ATAD2: variants seen among roughly 807,000 people sequenced by gnomAD.
ATAD2 encodes ATPase family AAA domain containing 2.
Under a neutral mutation model 168.9 loss-of-function variants are expected in ATAD2, and 62 were observed. That is an observed-to-expected ratio of 0.37 (90% CI 0.30 to 0.45). The LOEUF is 0.45. Ranked by LOEUF, ATAD2 falls within the 20% of genes least tolerant of loss-of-function variation. The pLI, the probability that ATAD2 is intolerant of heterozygous loss-of-function variation, is 1.00. For missense variants in ATAD2, 1,419 were observed against 1,667.8 expected (o/e 0.85, Z 2.60); for synonymous variants, 613 against 571.6 (o/e 1.07, Z -1.03).
chr8:123,377,090 T>TTAAAAAAAA (rs1297063054), intron 2 of ATAD2, among the ~76,000 whole-genome samples: 1 of 622 alleles, frequency 1.6e-3, no homozygotes, highest in African/African-American at 4.3e-3. Context: ...AGACTCCGTC[T>TTAAAAAAAA]CAAAAAAAAA....
chr8:123,374,848 A>G (rs1187225759), intron 2 of ATAD2, among the ~76,000 whole-genome samples: 1 of 152,216 alleles, frequency 6.6e-6, no homozygotes, highest in Non-Finnish European at 1.5e-5. Flanking sequence ...ACACTCTGCG[A>G]AGACTATACC....
At position 123,369,188 on chromosome 8, in the gene ATAD2, AATATATATATATATTTGT is replaced by A. The variant is rs754983039; in HGVS notation, c.932-31_932-14del. On this transcript the variant is annotated splice_polypyrimidine_tract_variant and intron_variant, in intron 7 of 27. Transcript: ENST00000287394. ...TGGTGACGAGGTTCTAAAAAAAAGA[AATATATATATATATTTGT>A]ATATATATATATATATGGCATACAA... The A allele has an allele frequency of 6.5e-6, 7 of 1,083,574 alleles. No homozygotes were observed. The highest frequency in any genetic ancestry group is 7.6e-6 in the Non-Finnish European group (6 of 787,504). 67.1% of individuals were successfully genotyped at this position (1,083,574 alleles called of 1,614,324 possible).
At chr8:123,382,358 G>A (rs1007702622) in intron 1 of ATAD2, among the ~76,000 whole-genome samples, 1 of 152,152 alleles carries the variant, frequency 6.6e-6, no homozygotes, top group African/African-American at 2.4e-5. Flanking sequence ...ATTAAATGAT[G>A]TGTAAGATTT....
In ATAD2 at chr8:123,321,108, A is replaced by T; in HGVS notation, c.*26T>A. 6.2e-7 allele frequency: 1 copy of T among 1,602,342 alleles called. No individual in the cohort carries two copies. Among genetic ancestry groups the T allele is most frequent in the Non-Finnish European group, 8.5e-7 (1 of 1,174,300 alleles). ...AATGACTTAAATAGGAACTGAATAT[A>T]AAGAATACTCGATACCATGACATCA... On this transcript the variant is annotated 3_prime_UTR_variant, in exon 28 of 28. Transcript: ENST00000287394.
At chr8:123,343,408 C>T (rs1828126445) in intron 19 of ATAD2, among the ~76,000 whole-genome samples, 1 of 152,148 alleles carries the variant, frequency 6.6e-6, no homozygotes, top group Non-Finnish European at 1.5e-5. Context: ...AAACTTCTCT[C>T]CCCCACTCAA....
At chr8:123,394,853 C>A (rs1201202835) in intron 1 of ATAD2, among the ~76,000 whole-genome samples, 3 of 152,192 alleles carry the variant, frequency 2.0e-5, no homozygotes, top group African/African-American at 7.2e-5. Flanking sequence ...AGAAACAAAT[C>A]TTTAAAGTCA....
chr8:123,349,262 T>A (rs1484776211), intron 14 of ATAD2, 23 bp downstream of exon 14: 1 of 1,600,302 alleles, frequency 6.2e-7, no homozygotes, highest in South Asian at 1.1e-5. Context: ...TTTGTCAAAA[T>A]TTGAGTGACA....
At position 123,321,174 on chromosome 8, in the gene ATAD2, T is replaced by A; in HGVS notation, c.4133A>T (p.Lys1378Ile). ...KDHDKTSLIQKMEQEVENFSC... is the reference protein window; with the variant it reads ...KDHDKTSLIQIMEQEVENFSC... ...GAAGTTTTCTACCTCTTGCTCCATT[T>A]TCTAGATAAAGGGGAGGAAGAGCAA... The change falls in exon 28 of 28, where the codon AAA becomes ATA. Residue 1378 changes from lysine to isoleucine, a missense_variant and splice_region_variant. Lys to Ile is a moderately radical substitution (Grantham distance 102). Transcript: ENST00000287394. 1 of 1,608,862 alleles carries A rather than the reference T, an allele frequency of 6.2e-7. No homozygotes were observed. The highest frequency in any genetic ancestry group is 8.5e-7 in the Non-Finnish European group (1 of 1,178,436).
intron 13 of ATAD2, chr8:123,352,743 C>A (rs1184096556): frequency 3.5e-5 from 5 of 144,280 alleles, no homozygotes; most frequent in Non-Finnish European, 4.6e-5. Flanking sequence ...AAAACAAAAT[C>A]AAAAACAACA....
intron 25 of ATAD2, among the ~76,000 whole-genome samples, chr8:123,326,266 A>G (rs1827612083): frequency 1.3e-5 from 2 of 152,178 alleles, no homozygotes. Flanking sequence ...AACAGGTTAG[A>G]ATGTCTTCTA....
intron 1 of ATAD2, among the ~76,000 whole-genome samples, chr8:123,409,940 G>GAA (rs33947485): frequency 0.049 from 5,060 of 102,668 alleles, 195 homozygotes; most frequent in Middle Eastern, 0.078. Flanking sequence ...CTCCATCTCG[G>GAA]AAAAAAAAAA....
chr8:123,378,727 C>CAAAAAAAAAAAAAAAAAAAAAAAA (rs1554646643), intron 2 of ATAD2, among the ~76,000 whole-genome samples: 4 of 91,046 alleles, frequency 4.4e-5, no homozygotes, highest in African/African-American at 1.6e-4. Context: ...AAAAAAAAAT[C>CAAAAAAAAAAAAAAAAAAAAAAAA]AAAATTCCAT....
intron 1 of ATAD2, among the ~76,000 whole-genome samples, chr8:123,384,324 C>G (rs1829583853): frequency 6.6e-6 from 1 of 152,096 alleles, no homozygotes; most frequent in Non-Finnish European, 1.5e-5. Flanking sequence ...ATGAACAATA[C>G]TTACATTTAT....
At position 123,323,084 on chromosome 8, in the gene ATAD2, T is replaced by G. The variant is rs374446667; in HGVS notation, c.4003-18A>C. ...AAAAGATTCTAAAAGAAAATATGAG[T>G]GTCAATATGTGTGAGAGAGAAACTT... On this transcript the variant is annotated intron_variant, in intron 26 of 27. Coordinates refer to ENST00000287394, the MANE Select transcript of ATAD2 (RefSeq NM_014109.4). 6.2e-7 allele frequency: 1 copy of G among 1,600,002 alleles called. No homozygotes were observed. The highest frequency in any genetic ancestry group is 1.7e-5 in the Admixed American group (1 of 58,704).
At chr8:123,371,480 AT>A in intron 4 of ATAD2, 142 bp from the exon 5 acceptor site, 2 of 854,690 alleles carry the variant, frequency 2.3e-6, no homozygotes, top group Non-Finnish European at 3.4e-6. Context: ...TTGTATAAAA[AT>A]ATTTTAAAAT....
At chr8:123,346,998 G>T (rs1470798122) in intron 16 of ATAD2, 94 bp downstream of exon 16, 7 of 1,335,128 alleles carry the variant, frequency 5.2e-6, no homozygotes, top group South Asian at 1.5e-5. Context: ...CTTTTCAAGA[G>T]ATTCTTTTAC....
intron 1 of ATAD2, among the ~76,000 whole-genome samples, chr8:123,409,083 C>G (rs1052344800): frequency 6.6e-5 from 10 of 152,202 alleles, no homozygotes; most frequent in African/African-American, 1.9e-4. Flanking sequence ...GCCTCTGCCC[C>G]TCAAAGTGCT....
At chr8:123,399,280 C>T (rs1354857620), upstream of ATAD2, among the ~76,000 whole-genome samples, 2 of 151,670 alleles carry the variant, frequency 1.3e-5, no homozygotes, top group Admixed American at 6.6e-5. Flanking sequence ...AAAAACCACA[C>T]GACTATATAC....
Position 123,325,909 on chromosome 8 carries a change from T to A in ATAD2, c.3986A>T (p.Asp1329Val). 1 of 1,614,136 alleles carries A rather than the reference T, an allele frequency of 6.2e-7. No individual in the cohort carries two copies. The highest frequency in any genetic ancestry group is 1.1e-5 in the South Asian group (1 of 91,060). Reference sequence around the variant, plus strand: ...TTTACATACTTTTAATCGCTCATGATCCACAACAAGTGAGGGTGTAGGCTG... The same window carrying A: ...TTTACATACTTTTAATCGCTCATGAACCACAACAAGTGAGGGTGTAGGCTG... ...LSQPTPSLVV[D>V]HERLKNLLKT... The change falls in exon 26 of 28, where the codon GAT (aspartate) becomes GTT (valine). Residue 1329 changes from aspartate to valine, a missense_variant. Physicochemically the swap from Asp to Val is radical, Grantham distance 152 (BLOSUM62 -3). This residue lies in a region of ATAD2 where 303 missense variants were observed against 304.3 expected (regional missense o/e 1.00). Transcript: ENST00000287394.
Sources: allele counts gnomAD v4.1 joint callset (sites outside exome capture counted in the v4.1 genomes callset), GRCh38; gene constraint gnomAD v4.1.1; regional missense constraint gnomAD v4.1.1; transcripts MANE v1.5; gene names NCBI Gene and HGNC (gene_info 2026-07-23, HGNC 2026-07-21).